Variants in BTD observed in about 807,000 individuals in gnomAD.
BTD encodes biocytinase.
In BTD, 13 loss-of-function variants were observed where a neutral mutation model predicts 17.7. The ratio of observed to expected loss-of-function variants is 0.74; its 90% CI spans 0.48 to 1.17. BTD has a LOEUF of 1.17. Among genes scored for constraint, BTD ranks in the 50% most tolerant of loss-of-function variants. The pLI, the probability that BTD is intolerant of heterozygous loss-of-function variation, is 0.00. For missense variants in BTD, 674 were observed against 650.4 expected (o/e 1.04, Z -0.39); for synonymous variants, 240 against 245.2 (o/e 0.98, Z 0.20).
intron 4 of BTD, among the ~76,000 whole-genome samples, chr3:15,721,459 A>G (rs2073718845): frequency 6.6e-6 from 1 of 152,234 alleles, no homozygotes. Context: ...AGGATTTACT[A>G]TAGAATTAAT....
intron 4 of BTD, chr3:15,720,886 T>A (rs2073656587): frequency 6.3e-7 from 1 of 1,594,158 alleles, no homozygotes; most frequent in African/African-American, 1.3e-5. Flanking sequence ...ACATATGAAA[T>A]ACTTATAGAT....
At position 15,640,591 on chromosome 3, in the gene BTD, A is replaced by G. The variant is rs775566890; in HGVS notation, c.250-1317A>G. Among the ~76,000 whole-genome samples, 171 of 152,028 alleles carry G rather than the reference A, an allele frequency of 1.1e-3. 2 individuals carry two copies. Among genetic ancestry groups the G allele is most frequent in the Non-Finnish European group, 6.2e-4 (42 of 68,002 alleles). On this transcript the variant is annotated intron_variant, in intron 2 of 3. Transcript: ENST00000643237. The stretch of plus-strand genomic sequence containing the variant: ...TTTTTAGTAGAGACGGGGTTTCATC[A>G]TGTTGGGCAGGCTGGTCTTGAACTC...
At chr3:15,601,723 GC>G (rs768509831), upstream of BTD, 21 of 1,570,138 alleles carry the variant, frequency 1.3e-5, no homozygotes, top group Admixed American at 4.0e-4. Context: ...GCGCCAGAAT[GC>G]CAGAGGGAGG....
At chr3:15,616,387 G>A (rs550654345) in intron 1 of BTD, among the ~76,000 whole-genome samples, 59 of 152,210 alleles carry the variant, frequency 3.9e-4, no homozygotes, top group Admixed American at 1.5e-3. Context: ...AGGCCGAGGT[G>A]GGTGGATCAC....
rs768812169 is a variant in BTD, at chr3:15,712,235, G to C, written c.*2161G>C. 1.9e-6 allele frequency: 3 copies of C among 1,553,134 alleles called. No individual in the cohort carries two copies. In the South Asian group the frequency reaches 3.5e-5, roughly 18 times the overall value. ...ATGTATGCCACGCCTAAAGTTAATA[G>C]AACAGGACAGTATCTTCATTTTAAC... On this transcript the variant is annotated 3_prime_UTR_variant, in exon 4 of 4. Coordinates refer to the BTD transcript ENST00000672141.
chr3:15,689,930 G>T (rs2068593882), intron 3 of BTD: 53 of 1,143,448 alleles, frequency 4.6e-5, no homozygotes, highest in Non-Finnish European at 6.0e-5. Context: ...AAATTTTAAA[G>T]ACAATTAACT....
intron 3 of BTD, chr3:15,679,501 C>G: frequency 6.2e-7 from 1 of 1,613,870 alleles, no homozygotes; most frequent in Non-Finnish European, 8.5e-7. Flanking sequence ...GGACTAAAAG[C>G]ATTTCCTTCC....
At chr3:15,610,045 CATATA>C (rs71045171) in intron 1 of BTD, among the ~76,000 whole-genome samples, 18,261 of 152,026 alleles carry the variant, frequency 0.12, 1,382 homozygotes, top group Middle Eastern at 0.23. Flanking sequence ...AGTAAGAATC[CATATA>C]ATATGTCAAT....
At chr3:15,712,894 A>G (rs1182395185), downstream of BTD, among the ~76,000 whole-genome samples, 3 of 152,240 alleles carry the variant, frequency 2.0e-5, no homozygotes. Context: ...GTGCAGTACC[A>G]TACCATTACA....
chr3:15,675,792 G>T, intron 3 of BTD: 1 of 939,204 alleles, frequency 1.1e-6, no homozygotes, highest in Non-Finnish European at 1.5e-6. Context: ...ATTAACTTTA[G>T]CTCTCCTCTT....
At chr3:15,699,194 A>T (rs1156691796) in intron 3 of BTD, among the ~76,000 whole-genome samples, 1 of 152,232 alleles carries the variant, frequency 6.6e-6, no homozygotes, top group Non-Finnish European at 1.5e-5. Context: ...CCATATGTAG[A>T]AAGCTGAAAC....
At chr3:15,694,866 T>G (rs1164812443) in intron 3 of BTD, 2 of 1,530,164 alleles carry the variant, frequency 1.3e-6, no homozygotes, top group East Asian at 4.5e-5. Flanking sequence ...CAGCAATTAT[T>G]CTCTCCCACC....
At position 15,601,883 on chromosome 3, in the gene BTD, C is replaced by G; in HGVS notation, c.-28C>G. 1 of 1,614,018 alleles carries G rather than the reference C, an allele frequency of 6.2e-7. No homozygotes were observed. Among genetic ancestry groups the G allele is most frequent in the Non-Finnish European group, 8.5e-7 (1 of 1,180,034 alleles). ...ATGCGCATATTCAGGGCGGAAGGCG[C>G]GCTAAGAGCAGGTACGGAGGGGGCG... On this transcript the variant is annotated 5_prime_UTR_variant, in exon 1 of 4. Transcript: ENST00000643237.
chr3:15,661,836 T>C (rs1019216207), intron 3 of BTD, among the ~76,000 whole-genome samples: 1 of 152,252 alleles, frequency 6.6e-6, no homozygotes, highest in Non-Finnish European at 1.5e-5. Flanking sequence ...GATTCACTTT[T>C]TGCATGTAGT....
intron 3 of BTD, among the ~76,000 whole-genome samples, chr3:15,665,615 G>A (rs1204061144): frequency 6.6e-6 from 1 of 151,882 alleles, no homozygotes; most frequent in Non-Finnish European, 1.5e-5. Flanking sequence ...AAATCGGTTG[G>A]CATCACTTTG....
At chr3:15,708,028 G>A in intron 3 of BTD, 1 of 1,610,032 alleles carries the variant, frequency 6.2e-7, no homozygotes, top group Non-Finnish European at 8.5e-7. Flanking sequence ...ACAGGCACTG[G>A]TAATTGCAGT....
chr3:15,677,669 CA>C lies in BTD; in HGVS notation c.400-32386del, dbSNP rs2067084664. On this transcript the variant is annotated intron_variant, in intron 3 of 3. Coordinates refer to the BTD transcript ENST00000672141. Reference sequence around the variant, plus strand: ...ATACAAAGCAAAAAAGTCCCTCTCACAAAAACTTAAGTACAAGAAAAATATT... The same window carrying C: ...ATACAAAGCAAAAAAGTCCCTCTCACAAAACTTAAGTACAAGAAAAATATT... 3 of 694,906 alleles carry C rather than the reference CA, an allele frequency of 4.3e-6. No homozygotes were observed. In the African/African-American group the frequency reaches 5.4e-5, roughly 12 times the overall value. The allele number at this position is 694,906 out of a possible 1,614,324, so 43.0% of individuals were successfully genotyped here.
downstream of BTD, chr3:15,714,700 A>C (rs1334794380): frequency 6.4e-6 from 9 of 1,398,558 alleles, no homozygotes; most frequent in South Asian, 9.4e-5. Flanking sequence ...TATATCCATA[A>C]TGTGTAAACC....
downstream of BTD, chr3:15,713,695 C>A: frequency 8.7e-7 from 1 of 1,148,398 alleles, no homozygotes; most frequent in Non-Finnish European, 1.2e-6. Flanking sequence ...TCAGGTCAAA[C>A]GTACTACATG....
Sources: allele counts gnomAD v4.1 joint callset (sites outside exome capture counted in the v4.1 genomes callset), GRCh38; gene constraint gnomAD v4.1.1; transcripts MANE v1.5; gene names NCBI Gene and HGNC (gene_info 2026-07-23, HGNC 2026-07-21).